Variants in C12orf42 observed in about 807,000 individuals in gnomAD.
C12orf42 encodes the protein uncharacterized protein C12orf42.
Under a neutral mutation model 21.6 loss-of-function variants are expected in C12orf42, and 25 were observed. The ratio of observed to expected loss-of-function variants is 1.16; its 90% CI spans 0.84 to 1.62. The LOEUF (loss-of-function observed/expected upper bound fraction) is 1.62. C12orf42 is among the 40% of genes most tolerant of loss of function. The pLI is 0.00. For synonymous variants in C12orf42, 174 were observed against 175.0 expected (o/e 0.99, Z 0.05); for missense variants, 483 against 459.3 (o/e 1.05, Z -0.47).
At chr12:103,207,407 G>A in the C12orf42 span, among the ~76,000 whole-genome samples, 2 of 152,328 alleles carry the variant, frequency 1.3e-5, no homozygotes, top group East Asian at 1.9e-4. Context: ...CAGAAGCCAC[G>A]TTGCCTTCTT....
At position 103,237,771 on chromosome 12, in the gene C12orf42, C is replaced by T. The variant is rs78291434; in HGVS notation, c.*1498G>A. 8.0e-3 allele frequency: 1,222 copies of T among 152,238 alleles called. 7 individuals are homozygous for T. Among genetic ancestry groups the T allele is most frequent in the South Asian group, 0.013 (63 of 4,820 alleles). The allele number at this position is 152,238 out of a possible 1,614,324, so 9.4% of individuals were successfully genotyped here. On this transcript the variant is annotated 3_prime_UTR_variant and NMD_transcript_variant, in exon 11 of 11. Coordinates refer to the C12orf42 transcript ENST00000547347. ...CTTTCTCATCCTTCATTGGTTAGTG[C>T]AGACTTGTTCCTTTGGGGAAGGAAG...
chr12:103,406,341 A>C, intron 2 of C12orf42, among the ~76,000 whole-genome samples: 1 of 152,220 alleles, frequency 6.6e-6, no homozygotes. Context: ...AGCTGCTTTC[A>C]AGAGGTTGTA....
At chr12:103,434,269 A>G (rs1950487291) in intron 2 of C12orf42, among the ~76,000 whole-genome samples, 1 of 152,182 alleles carries the variant, frequency 6.6e-6, no homozygotes, top group South Asian at 2.1e-4. Context: ...TCTAAACCAA[A>G]CCCAGGGATA....
the C12orf42 span, among the ~76,000 whole-genome samples, chr12:103,111,659 G>A: frequency 6.6e-6 from 1 of 152,090 alleles, no homozygotes; most frequent in African/African-American, 2.4e-5. Context: ...GAGTTTAGGG[G>A]CATACAAGAC....
At chr12:103,249,804 T>G (rs2136190647) in intron 10 of C12orf42, among the ~76,000 whole-genome samples, 1 of 152,198 alleles carries the variant, frequency 6.6e-6, no homozygotes, top group Admixed American at 6.5e-5. Context: ...TACCCATTCG[T>G]TAGGAAACAA....
chr12:103,528,217 G>A, the C12orf42 span, among the ~76,000 whole-genome samples: 1 of 152,196 alleles, frequency 6.6e-6, no homozygotes, highest in African/African-American at 2.4e-5. Context: ...GCTCATGAAA[G>A]AAGTCAGGAA....
chr12:103,377,516 A>G (rs539970750), intron 3 of C12orf42, among the ~76,000 whole-genome samples: 44 of 152,236 alleles, frequency 2.9e-4, no homozygotes, highest in African/African-American at 1.0e-3. Context: ...CATTCTGGGT[A>G]GAGAGCAGGA....
chr12:103,324,587 T>C (rs1034724059), intron 4 of C12orf42, among the ~76,000 whole-genome samples: 7 of 152,216 alleles, frequency 4.6e-5, no homozygotes, highest in Admixed American at 1.3e-4. Flanking sequence ...TATTTTAAAA[T>C]GTTCTGTTCA....
chr12:103,294,900 C>T (rs753524812), intron 4 of C12orf42, among the ~76,000 whole-genome samples: 3 of 152,050 alleles, frequency 2.0e-5, no homozygotes, highest in Non-Finnish European at 4.4e-5. Flanking sequence ...TTTCCTGATC[C>T]TCTCCCTCCT....
intron 4 of C12orf42, among the ~76,000 whole-genome samples, chr12:103,310,311 G>A (rs577027180): frequency 2.5e-4 from 38 of 152,088 alleles, no homozygotes; most frequent in African/African-American, 8.9e-4. Context: ...CTTTTGCCAT[G>A]GGACTTGCCT....
At chr12:103,298,085 G>C (rs548389164), downstream of C12orf42, among the ~76,000 whole-genome samples, 3 of 152,074 alleles carry the variant, frequency 2.0e-5, no homozygotes, top group South Asian at 4.1e-4. Flanking sequence ...ATTCAACACA[G>C]TGTTGGAAGT....
At chr12:103,089,494 A>T in the C12orf42 span, among the ~76,000 whole-genome samples, 1 of 152,200 alleles carries the variant, frequency 6.6e-6, no homozygotes, top group African/African-American at 2.4e-5. Flanking sequence ...ACTGGCCCGT[A>T]AGAAATCGGT....
At chr12:103,560,063 A>G in the C12orf42 span, among the ~76,000 whole-genome samples, 1 of 152,208 alleles carries the variant, frequency 6.6e-6, no homozygotes, top group South Asian at 2.1e-4. Context: ...GAAAATGTAG[A>G]CTTTATCTGC....
chr12:103,058,908 A>T, the C12orf42 span, among the ~76,000 whole-genome samples: 2 of 152,182 alleles, frequency 1.3e-5, no homozygotes, highest in Non-Finnish European at 1.5e-5. Flanking sequence ...CCCTAACATC[A>T]CAATTAAAAG....
chr12:103,229,388 A>G, the C12orf42 span, among the ~76,000 whole-genome samples: 2 of 152,212 alleles, frequency 1.3e-5, no homozygotes, highest in African/African-American at 4.8e-5. Flanking sequence ...AGATTCTCTC[A>G]GCGATTCAAA....
At chr12:103,085,489 C>G in the C12orf42 span, among the ~76,000 whole-genome samples, 1 of 151,394 alleles carries the variant, frequency 6.6e-6, no homozygotes, top group African/African-American at 2.4e-5. Flanking sequence ...TCAGAATGCA[C>G]AATTCTTTTG....
chr12:103,322,130 CA>C (rs2040234921), intron 4 of C12orf42, among the ~76,000 whole-genome samples: 1 of 69,970 alleles, frequency 1.4e-5, no homozygotes, highest in Non-Finnish European at 2.6e-5. Context: ...CGCGCGCACA[CA>C]CACACACACA....
At chr12:103,094,720 GC>G in the C12orf42 span, among the ~76,000 whole-genome samples, 2 of 152,118 alleles carry the variant, frequency 1.3e-5, no homozygotes, top group Non-Finnish European at 2.9e-5. Flanking sequence ...CCTAGATGTT[GC>G]CTGCCACATA....
At chr12:103,307,076 G>A (rs1253487165) in intron 4 of C12orf42, among the ~76,000 whole-genome samples, 1 of 152,202 alleles carries the variant, frequency 6.6e-6, no homozygotes, top group South Asian at 2.1e-4. Context: ...CTTGATTTTA[G>A]ACTTGTAGCT....
Sources: allele counts gnomAD v4.1 joint callset (sites outside exome capture counted in the v4.1 genomes callset), GRCh38; gene constraint gnomAD v4.1.1; transcripts MANE v1.5; gene names NCBI Gene and HGNC (gene_info 2026-07-23, HGNC 2026-07-21).